Variants in VTI1A observed in about 807,000 individuals in gnomAD.
VTI1A encodes vesicle transport through interaction with t-SNAREs 1A.
A neutral mutation model predicts 34.9 loss-of-function variants in VTI1A; 22 were observed. The observed-to-expected ratio is 0.63, with a 90% confidence interval of 0.45 to 0.90. VTI1A has a LOEUF of 0.90. Among genes scored for constraint, VTI1A ranks in the 40% least tolerant of loss-of-function variants. The pLI is 0.00. For missense variants in VTI1A, 268 were observed against 275.6 expected, an observed-to-expected ratio of 0.97 and a Z score of 0.20; for synonymous variants, 87 against 97.3, an observed-to-expected ratio of 0.89 and a Z score of 0.62.
chr10:112,809,683 C>G (rs149756420), intron 7 of VTI1A, among the ~76,000 whole-genome samples: 123 of 152,360 alleles, frequency 8.1e-4, no homozygotes, highest in African/African-American at 2.6e-3. Flanking sequence ...GCAATAACCA[C>G]GTGACCCTGA....
chr10:112,470,008 G>A (rs1242228015), intron 3 of VTI1A, among the ~76,000 whole-genome samples: 2 of 152,136 alleles, frequency 1.3e-5, no homozygotes, highest in Non-Finnish European at 2.9e-5. Flanking sequence ...AGAGCCATGC[G>A]GGGCTCATTT....
chr10:112,769,385 G>T (rs772876546), intron 7 of VTI1A, among the ~76,000 whole-genome samples: 1 of 152,184 alleles, frequency 6.6e-6, no homozygotes, highest in Non-Finnish European at 1.5e-5. Flanking sequence ...CGTTTAATCT[G>T]CAGGGTCTAT....
At chr10:112,638,269 C>T (rs1411184674) in intron 5 of VTI1A, among the ~76,000 whole-genome samples, 1 of 152,094 alleles carries the variant, frequency 6.6e-6, no homozygotes, top group Non-Finnish European at 1.5e-5. Flanking sequence ...CAAAGCTTTA[C>T]ATGGGAGGGA....
At chr10:112,698,649 C>G (rs1430852236) in intron 7 of VTI1A, among the ~76,000 whole-genome samples, 1 of 152,184 alleles carries the variant, frequency 6.6e-6, no homozygotes, top group Admixed American at 6.5e-5. Context: ...GGCTTAACAC[C>G]CTTCTGCTCA....
chr10:112,542,985 T>C (rs1414864395), intron 5 of VTI1A, among the ~76,000 whole-genome samples: 1 of 152,210 alleles, frequency 6.6e-6, no homozygotes, highest in East Asian at 1.9e-4. Context: ...GCTTCATCCA[T>C]GTGCCTACAA....
chr10:112,594,069 C>G (rs1844514013), intron 5 of VTI1A, among the ~76,000 whole-genome samples: 1 of 152,130 alleles, frequency 6.6e-6, no homozygotes, highest in Non-Finnish European at 1.5e-5. Context: ...GCCACCATGC[C>G]CGGCTAATTT....
intron 7 of VTI1A, among the ~76,000 whole-genome samples, chr10:112,801,412 G>A (rs1030203380): frequency 5.3e-5 from 8 of 152,140 alleles, no homozygotes; most frequent in Non-Finnish European, 7.4e-5. Flanking sequence ...AAGACTGTCC[G>A]GAAGTTATAT....
At chr10:112,689,771 T>C (rs1015660354) in intron 7 of VTI1A, among the ~76,000 whole-genome samples, 4 of 152,132 alleles carry the variant, frequency 2.6e-5, no homozygotes, top group Non-Finnish European at 5.9e-5. Context: ...AATTATTATT[T>C]ACATACAACA....
At chr10:112,484,456 A>G (rs1848550225) in intron 3 of VTI1A, among the ~76,000 whole-genome samples, 1 of 152,204 alleles carries the variant, frequency 6.6e-6, no homozygotes, top group African/African-American at 2.4e-5. Flanking sequence ...ACGATTTCAT[A>G]ACCATTATTC....
At chr10:112,604,887 G>A (rs752774250) in intron 5 of VTI1A, among the ~76,000 whole-genome samples, 1 of 151,730 alleles carries the variant, frequency 6.6e-6, no homozygotes, top group Non-Finnish European at 1.5e-5. Context: ...TTTAGAATAG[G>A]GTAATCAAAT....
chr10:112,539,039 A>T (rs917940830), intron 5 of VTI1A, among the ~76,000 whole-genome samples: 3 of 152,202 alleles, frequency 2.0e-5, no homozygotes, highest in Non-Finnish European at 4.4e-5. Flanking sequence ...TGTTTCATGC[A>T]ATGACTGTTT....
intron 5 of VTI1A, among the ~76,000 whole-genome samples, chr10:112,593,692 G>T (rs1844488815): frequency 6.6e-6 from 1 of 152,142 alleles, no homozygotes; most frequent in African/African-American, 2.4e-5. Flanking sequence ...GGCTGTGTAT[G>T]TGTGAACTCG....
chr10:112,817,977 T>C lies in VTI1A; in HGVS notation c.*2594T>C, dbSNP rs1564938295. The C allele has an allele frequency of 1.7e-5, 4 of 233,094 alleles. No individual in the cohort carries two copies. The highest frequency in any genetic ancestry group is 3.4e-5 in the Non-Finnish European group (4 of 117,720). The allele number at this position is 233,094 out of a possible 1,614,324, so 14.4% of individuals were successfully genotyped here. A position where few individuals can be genotyped will look rare whatever the true frequency, so the allele number is the denominator to read the frequency against. ...AAGTGGATGCTACCCCACTCCAGAA[T>C]CAAAAGCAATTTAATTAAAGTCTCT... On this transcript the variant is annotated 3_prime_UTR_variant, in exon 8 of 8. Coordinates refer to ENST00000393077, the MANE Select transcript of VTI1A (RefSeq NM_145206.4).
chr10:112,549,081 G>T (rs927665115), intron 5 of VTI1A, among the ~76,000 whole-genome samples: 1 of 151,924 alleles, frequency 6.6e-6, no homozygotes, highest in African/African-American at 2.4e-5. Context: ...TACATCTGCC[G>T]CCCCCTACCA....
In VTI1A at chr10:112,642,977, CTTTTTTT is replaced by C. The variant is rs58619611; in HGVS notation, c.428-25230_428-25224del. ...GAGCATGTTTTCTTTTTTTTCTTTT[CTTTTTTT>C]TTTTTTTTTTGTTTTTAAGACAGAG... On this transcript the variant is annotated intron_variant, in intron 5 of 7. Transcript: ENST00000393077. Among the ~76,000 whole-genome samples the C allele has an allele frequency of 2.7e-4, 33 of 121,018 alleles. 1 individual carries two copies. Among genetic ancestry groups the C allele is most frequent in the South Asian group, 2.6e-3 (10 of 3,788 alleles). The allele number at this position is 121,018 out of a possible 152,430, so 79.4% of individuals were successfully genotyped here. A position where few individuals can be genotyped will look rare whatever the true frequency, so the allele number is the denominator to read the frequency against.
chr10:112,488,718 A>G (rs956866517), intron 3 of VTI1A, among the ~76,000 whole-genome samples: 2 of 152,048 alleles, frequency 1.3e-5, no homozygotes, highest in Non-Finnish European at 2.9e-5. Context: ...TTTTGGTTCA[A>G]TATTTGTGGA....
At chr10:112,814,539 A>C (rs1853439508) in intron 7 of VTI1A, among the ~76,000 whole-genome samples, 1 of 151,950 alleles carries the variant, frequency 6.6e-6, no homozygotes, top group African/African-American at 2.4e-5. Flanking sequence ...GTGTGTCTCC[A>C]CTCTGGTCCC....
At chr10:112,663,539 G>A (rs1478522488) in intron 5 of VTI1A, among the ~76,000 whole-genome samples, 1 of 152,194 alleles carries the variant, frequency 6.6e-6, no homozygotes, top group Non-Finnish European at 1.5e-5. Flanking sequence ...GTCAAATAAT[G>A]AAAGATGTTG....
At chr10:112,740,375 C>T (rs1010110941) in intron 7 of VTI1A, among the ~76,000 whole-genome samples, 13 of 152,254 alleles carry the variant, frequency 8.5e-5, no homozygotes, top group East Asian at 5.8e-4. Context: ...CTGCAACCTC[C>T]GCCTCCCAGG....
Sources: gnomAD v4.1 joint callset for allele counts (sites outside exome capture counted in the v4.1 genomes callset) on GRCh38, gnomAD v4.1.1 for gene constraint, MANE v1.5 for transcripts, NCBI Gene and HGNC (gene_info 2026-07-23, HGNC 2026-07-21) for gene names.